MICU1: variants seen among roughly 807,000 people sequenced by gnomAD.
MICU1 encodes the protein mitochondrial calcium uptake 1.
MICU1 carries 45 observed loss-of-function variants against 56.8 expected under a neutral mutation model. The ratio of observed to expected loss-of-function variants is 0.79; its 90% CI spans 0.62 to 1.02. The LOEUF is 1.02. MICU1 is among the 50% of genes least tolerant of loss of function. The pLI is 0.00. For missense variants in MICU1, 504 were observed against 587.1 expected (o/e 0.86, Z 1.46); for synonymous variants, 186 against 195.1 (o/e 0.95, Z 0.39).
chr10:72,513,153 C>A lies in MICU1; in HGVS notation c.538-4884G>T, dbSNP rs527932525. 7.2e-5 allele frequency among the ~76,000 whole-genome samples: 11 copies of A among 152,278 alleles called. 1 individual carries two copies. The South Asian group carries it at 2.3e-3, about 32-fold the overall frequency. On this transcript the variant is annotated intron_variant, in intron 5 of 11. Coordinates refer to ENST00000361114, the MANE Select transcript of MICU1 (RefSeq NM_001195518.2). ...CTCCCAAAGTACTGCGATTACAGCA[C>A]CATTTACATTCCCATAAGCAATGTA...
chr10:72,513,694 T>C (rs1867557426), intron 5 of MICU1, among the ~76,000 whole-genome samples: 1 of 152,170 alleles, frequency 6.6e-6, no homozygotes, highest in Non-Finnish European at 1.5e-5. Context: ...TTTTTTAGGT[T>C]ATTGATCCAT....
chr10:72,475,655 C>T (rs965526583), intron 7 of MICU1, among the ~76,000 whole-genome samples: 5 of 152,134 alleles, frequency 3.3e-5, no homozygotes, highest in Admixed American at 2.0e-4. Flanking sequence ...TCTTGAACTC[C>T]GGACCTCAAG....
chr10:72,607,725 C>T (rs1347411974), intron 1 of MICU1, among the ~76,000 whole-genome samples: 1 of 151,942 alleles, frequency 6.6e-6, no homozygotes, highest in African/African-American at 2.4e-5. Context: ...ATGACCAAAC[C>T]CAAGAAGGAG....
In MICU1 at chr10:72,583,282, A is replaced by AT. The variant is rs71021510; in HGVS notation, c.-1-16489dup. On this transcript the variant is annotated intron_variant, in intron 1 of 11. Coordinates refer to ENST00000361114, the MANE Select transcript of MICU1 (RefSeq NM_001195518.2). Reference sequence around the variant, plus strand: ...TTCACAAAATAGTTTGGCTGAATGCATTTTTTTTTTTTTTTTGAGACAGAG... The same window carrying AT: ...TTCACAAAATAGTTTGGCTGAATGCATTTTTTTTTTTTTTTTTGAGACAGAG... Among the ~76,000 whole-genome samples, 477 of 141,192 alleles carry AT rather than the reference A, an allele frequency of 3.4e-3. 3 individuals carry two copies. Among genetic ancestry groups the AT allele is most frequent in the Middle Eastern group, 0.011 (3 of 270 alleles). 92.6% of individuals were successfully genotyped at this position (141,192 alleles called of 152,430 possible).
At chr10:72,390,592 T>G (rs891461360) in intron 10 of MICU1, among the ~76,000 whole-genome samples, 3 of 152,220 alleles carry the variant, frequency 2.0e-5, no homozygotes, top group Non-Finnish European at 4.4e-5. Context: ...GCCTAAAGAC[T>G]GGTTTGTAAC....
intron 8 of MICU1, among the ~76,000 whole-genome samples, chr10:72,463,519 C>G (rs1865701105): frequency 6.6e-6 from 1 of 152,146 alleles, no homozygotes; most frequent in Admixed American, 6.5e-5. Context: ...TTTTGGCACA[C>G]TTTTACTGAA....
At chr10:72,470,256 CT>C (rs1865910888) in intron 8 of MICU1, among the ~76,000 whole-genome samples, 1 of 152,148 alleles carries the variant, frequency 6.6e-6, no homozygotes, top group African/African-American at 2.4e-5. Context: ...GTCACGCTTC[CT>C]CAAAGAAGGA....
chr10:72,609,659 A>G (rs9416024), intron 1 of MICU1, among the ~76,000 whole-genome samples: 150,684 of 150,746 alleles, frequency 1, 75,311 homozygotes, highest in Middle Eastern at 1. Context: ...GTGTGAACCC[A>G]GAAGGCGGAG....
chr10:72,453,543 T>C (rs1292148438), intron 8 of MICU1, among the ~76,000 whole-genome samples: 2 of 152,162 alleles, frequency 1.3e-5, no homozygotes, highest in African/African-American at 2.4e-5. Flanking sequence ...ATTTATTTAT[T>C]TTTGAAACAA....
intron 6 of MICU1, chr10:72,483,384 C>A: frequency 6.1e-6 from 1 of 163,494 alleles, no homozygotes. Flanking sequence ...GCTTCTGTGC[C>A]TTCTGTCTGT....
chr10:72,616,481 G>T (rs2132580876), intron 1 of MICU1, among the ~76,000 whole-genome samples: 1 of 151,968 alleles, frequency 6.6e-6, no homozygotes, highest in South Asian at 2.1e-4. Flanking sequence ...CAGCTACTTG[G>T]GAGGCTGAGG....
rs772859701 is a variant in MICU1 at position 72,368,171 on chromosome 10, G to A, written c.*24C>T. 13 of 1,599,040 alleles carry A rather than the reference G, an allele frequency of 8.1e-6. No homozygotes were observed. The highest frequency in any genetic ancestry group is 1.1e-5 in the South Asian group (1 of 90,246). On this transcript the variant is annotated 3_prime_UTR_variant, in exon 12 of 12. Transcript: ENST00000361114. ...GGGGGTCCAGGGTACTGGGGGTGGA[G>A]GGGTCCCCTCTTGCAGTGTGGGGTT...
In MICU1 at chr10:72,419,314, A is replaced by G. The variant is rs144423828; in HGVS notation, c.1071+3920T>C. Among the ~76,000 whole-genome samples the G allele has an allele frequency of 2.4e-3, 366 of 152,340 alleles. 1 individual carries two copies. Among genetic ancestry groups the G allele is most frequent in the African/African-American group, 8.2e-3 (343 of 41,578 alleles). ...GAAATTACGATTTCCAACAGATATAAGCTAAGTATTGGGTACTGTAGAAGT... is the reference window on the plus strand; with the variant it reads ...GAAATTACGATTTCCAACAGATATAGGCTAAGTATTGGGTACTGTAGAAGT... On this transcript the variant is annotated intron_variant, in intron 9 of 11. Transcript: ENST00000361114.
chr10:72,502,128 C>T, intron 6 of MICU1, among the ~76,000 whole-genome samples: 1 of 148,308 alleles, frequency 6.7e-6, no homozygotes, highest in South Asian at 2.1e-4. Flanking sequence ...CCTGTGAGTT[C>T]ATTAACTTTG....
chr10:72,426,256 G>A (rs938266612), intron 8 of MICU1, among the ~76,000 whole-genome samples: 1 of 152,128 alleles, frequency 6.6e-6, no homozygotes, highest in African/African-American at 2.4e-5. Context: ...TTGACCTCAG[G>A]TGATCCGCCT....
chr10:72,526,374 G>A (rs1867962375), intron 5 of MICU1, among the ~76,000 whole-genome samples: 1 of 151,996 alleles, frequency 6.6e-6, no homozygotes, highest in South Asian at 2.1e-4. Flanking sequence ...TTGGCTCACT[G>A]CACCTCCGCC....
At chr10:72,493,006 A>G (rs1159981516) in intron 6 of MICU1, among the ~76,000 whole-genome samples, 1 of 151,912 alleles carries the variant, frequency 6.6e-6, no homozygotes, top group African/African-American at 2.4e-5. Context: ...AATCCCAGCT[A>G]CTCGGGAGGC....
intron 8 of MICU1, among the ~76,000 whole-genome samples, chr10:72,444,306 G>A (rs927719877): frequency 1.3e-5 from 2 of 151,948 alleles, no homozygotes; most frequent in Non-Finnish European, 2.9e-5. Flanking sequence ...GTACCAGCAT[G>A]TCACATGTAT....
At chr10:72,602,940 T>C (rs1407352373) in intron 1 of MICU1, among the ~76,000 whole-genome samples, 1 of 152,132 alleles carries the variant, frequency 6.6e-6, no homozygotes, top group Non-Finnish European at 1.5e-5. Context: ...ACACCGCCTC[T>C]GCTAAAAATA....
Sources: allele counts gnomAD v4.1 joint callset (sites outside exome capture counted in the v4.1 genomes callset), GRCh38; gene constraint gnomAD v4.1.1; transcripts MANE v1.5; gene names NCBI Gene and HGNC (gene_info 2026-07-23, HGNC 2026-07-21).